Variants in COL24A1 observed in about 807,000 individuals in gnomAD.
The protein encoded by COL24A1 is collagen type XXIV alpha 1 chain, also known as collagen alpha-1(XXIV) chain.
COL24A1 carries 224 observed loss-of-function variants against 253.9 expected under a neutral mutation model. The ratio of observed to expected loss-of-function variants is 0.88; its 90% CI spans 0.79 to 0.99. The LOEUF (loss-of-function observed/expected upper bound fraction) is 0.99. Among genes scored for constraint, COL24A1 ranks in the 50% least tolerant of loss-of-function variants. COL24A1 has a pLI of 0.00. For synonymous variants in COL24A1, 685 were observed against 673.7 expected (o/e 1.02, Z -0.26); for missense variants, 2,131 against 2,068.5 (o/e 1.03, Z -0.59).
intron 18 of COL24A1, among the ~76,000 whole-genome samples, chr1:86,018,830 G>T (rs1175650693): frequency 6.6e-6 from 1 of 152,128 alleles, no homozygotes; most frequent in Non-Finnish European, 1.5e-5. Flanking sequence ...CTAAAGGAAA[G>T]TGTATTTACG....
intron 5 of COL24A1, among the ~76,000 whole-genome samples, chr1:86,110,770 G>A (rs1019360729): frequency 1.3e-5 from 2 of 152,066 alleles, no homozygotes; most frequent in Non-Finnish European, 2.9e-5. Context: ...GGCCTCAACC[G>A]CCTGCCCGCA....
At chr1:85,885,935 G>C (rs1264779061) in intron 32 of COL24A1, among the ~76,000 whole-genome samples, 4 of 152,076 alleles carry the variant, frequency 2.6e-5, no homozygotes, top group South Asian at 2.1e-4. Context: ...TATTTGTCAG[G>C]TTTTTCTTTT....
intron 53 of COL24A1, among the ~76,000 whole-genome samples, chr1:85,767,857 T>G (rs528234762): frequency 4.3e-4 from 65 of 152,342 alleles, no homozygotes; most frequent in South Asian, 8.3e-4. Context: ...TTTTAGGGCA[T>G]ATTATTCATT....
In COL24A1 at chr1:85,775,690, C is replaced by T; in HGVS notation, c.4358G>A (p.Gly1453Asp). Residue 1453 changes from glycine to aspartate, a missense_variant, in exon 53 of 60, where the codon GGC (glycine) becomes GAC (aspartate). Coordinates refer to ENST00000370571, the MANE Select transcript of COL24A1 (RefSeq NM_152890.7). ...TAAACTTACAGTTTCACCTCTAAAG[C>T]CCTTTTCACCTCTGGGTCCCTAAAA... Reference protein sequence around the residue: ...TGRTGPRGEKGFRGETGPQGP... With the variant: ...TGRTGPRGEKDFRGETGPQGP... 6.2e-7 allele frequency: 1 copy of T among 1,607,304 alleles called. No homozygotes were observed. The highest frequency in any genetic ancestry group is 8.5e-7 in the Non-Finnish European group (1 of 1,177,732).
At chr1:85,774,282 T>C (rs972372995) in intron 53 of COL24A1, among the ~76,000 whole-genome samples, 2 of 152,200 alleles carry the variant, frequency 1.3e-5, no homozygotes, top group African/African-American at 2.4e-5. Context: ...CAGTATTTTA[T>C]TGAGGATTTT....
At chr1:85,944,932 C>A (rs1050912339) in intron 24 of COL24A1, among the ~76,000 whole-genome samples, 4 of 138,246 alleles carry the variant, frequency 2.9e-5, no homozygotes, top group Admixed American at 7.4e-5. Context: ...ATGAACTCAT[C>A]ATTTTTTATG....
At chr1:86,083,964 T>C (rs1164639712) in intron 7 of COL24A1, among the ~76,000 whole-genome samples, 1 of 152,218 alleles carries the variant, frequency 6.6e-6, no homozygotes, top group African/African-American at 2.4e-5. Context: ...AAGCCAACAT[T>C]AAATTTTCTT....
At chr1:86,066,221 C>A (rs1701466977) in intron 7 of COL24A1, among the ~76,000 whole-genome samples, 2 of 148,628 alleles carry the variant, frequency 1.3e-5, no homozygotes, top group South Asian at 2.1e-4. Flanking sequence ...CTTGAAATAT[C>A]CTAAGTCTCC....
chr1:86,142,239 A>G (rs1651211653), intron 2 of COL24A1, among the ~76,000 whole-genome samples: 1 of 152,010 alleles, frequency 6.6e-6, no homozygotes, highest in South Asian at 2.1e-4. Flanking sequence ...ATTTAAACAC[A>G]GAGGCCAGGC....
At chr1:85,735,068 C>G (rs1553162226) in intron 58 of COL24A1, 104 bp from the exon 59 acceptor site, 2 of 1,049,254 alleles carry the variant, frequency 1.9e-6, no homozygotes, top group Non-Finnish European at 2.8e-6. Flanking sequence ...CTCCAGAAAG[C>G]TCCTTTCCTT....
chr1:85,783,068 C>T (rs1401752170), intron 51 of COL24A1, among the ~76,000 whole-genome samples: 1 of 152,130 alleles, frequency 6.6e-6, no homozygotes, highest in Non-Finnish European at 1.5e-5. Flanking sequence ...ATACCTGCCC[C>T]TGAGCTGGGA....
intron 52 of COL24A1, among the ~76,000 whole-genome samples, chr1:85,778,017 CTCTATCTCTA>C (rs1668736046): frequency 7.8e-6 from 1 of 128,022 alleles, no homozygotes; most frequent in African/African-American, 2.9e-5. Flanking sequence ...GTGTATATGT[CTCTATCTCTA>C]TCTATCTATC....
At chr1:86,037,738 T>G (rs77772108) in intron 12 of COL24A1, among the ~76,000 whole-genome samples, 3,174 of 152,244 alleles carry the variant, frequency 0.021, 37 homozygotes, top group Middle Eastern at 0.068. Flanking sequence ...GAATATTGTT[T>G]TAAGCTGCTA....
chr1:85,802,535 T>C (rs1000756980), intron 47 of COL24A1, among the ~76,000 whole-genome samples: 6 of 152,184 alleles, frequency 3.9e-5, no homozygotes, highest in African/African-American at 9.7e-5. Flanking sequence ...ATATAATATA[T>C]GAATTTATAT....
intron 32 of COL24A1, among the ~76,000 whole-genome samples, chr1:85,885,397 A>ATTT (rs1177337391): frequency 9.2e-4 from 119 of 128,910 alleles, no homozygotes; most frequent in African/African-American, 2.8e-3. Context: ...ATATATATAT[A>ATTT]TTTTTTTTTT....
intron 13 of COL24A1, among the ~76,000 whole-genome samples, chr1:86,032,967 T>G (rs1698698662): frequency 6.6e-6 from 1 of 152,076 alleles, no homozygotes; most frequent in African/African-American, 2.4e-5. Flanking sequence ...ATGCTTGAAA[T>G]GGGAAGCTCC....
At chr1:85,948,886 A>C (rs1689613441) in intron 24 of COL24A1, among the ~76,000 whole-genome samples, 1 of 152,022 alleles carries the variant, frequency 6.6e-6, no homozygotes, top group Non-Finnish European at 1.5e-5. Flanking sequence ...AAATACTGGC[A>C]AGCTGAATCT....
At chr1:86,080,537 T>G (rs1341770302) in intron 7 of COL24A1, among the ~76,000 whole-genome samples, 1 of 152,116 alleles carries the variant, frequency 6.6e-6, no homozygotes, top group Non-Finnish European at 1.5e-5. Flanking sequence ...AAATATGTCA[T>G]GCACCCCATG....
intron 5 of COL24A1, among the ~76,000 whole-genome samples, chr1:86,112,297 C>A (rs1705696890): frequency 6.6e-6 from 1 of 151,970 alleles, no homozygotes; most frequent in South Asian, 2.1e-4. Flanking sequence ...CATACATTGC[C>A]ATCATATTTT....
Sources: allele counts gnomAD v4.1 joint callset (sites outside exome capture counted in the v4.1 genomes callset), GRCh38; gene constraint gnomAD v4.1.1; transcripts MANE v1.5; gene names NCBI Gene and HGNC (gene_info 2026-07-23, HGNC 2026-07-21).